The following CATSPER3 variants were observed in gnomAD, a reference collection of about 807,000 sequenced individuals.
CATSPER3 encodes cation channel sperm associated 3.
In CATSPER3, 23 loss-of-function variants were observed where a neutral mutation model predicts 36.6. The ratio of observed to expected loss-of-function variants is 0.63; its 90% CI spans 0.45 to 0.89. The LOEUF is 0.89. Ranked by LOEUF, CATSPER3 falls within the 40% of genes least tolerant of loss-of-function variation. The pLI is 0.00. For synonymous variants in CATSPER3, 172 were observed against 184.1 expected, an observed-to-expected ratio of 0.93 and a Z score of 0.53; for missense variants, 474 against 503.9, an observed-to-expected ratio of 0.94 and a Z score of 0.57.
chr5:134,975,390 A>ACAAACAAG (rs1554068003), intron 2 of CATSPER3: 1 of 151,432 alleles, frequency 6.6e-6, no homozygotes, highest in African/African-American at 2.4e-5. Flanking sequence ...AGACAAACAA[A>ACAAACAAG]CAAACAAAAA....
intron 2 of CATSPER3, among the ~76,000 whole-genome samples, chr5:134,993,927 T>C (rs1034535622): frequency 6.6e-6 from 1 of 152,064 alleles, no homozygotes; most frequent in Non-Finnish European, 1.5e-5. Context: ...GAGTTCGAGA[T>C]CAGCCTGGCC....
chr5:134,998,091 C>T (rs894694317), intron 3 of CATSPER3, among the ~76,000 whole-genome samples: 8 of 152,160 alleles, frequency 5.3e-5, no homozygotes, highest in Non-Finnish European at 4.4e-5. Context: ...CATGACAGGC[C>T]CCGGTGTGTG....
chr5:134,975,907 G>A lies in CATSPER3; in HGVS notation c.252+5815G>A, dbSNP rs1216547675. Among the ~76,000 whole-genome samples, 5 of 152,170 alleles carry A rather than the reference G, an allele frequency of 3.3e-5. No individual in the cohort carries two copies. The South Asian group carries it at 1.0e-3, about 31-fold the overall frequency. On this transcript the variant is annotated intron_variant, in intron 2 of 7. Coordinates refer to ENST00000282611, the MANE Select transcript of CATSPER3 (RefSeq NM_178019.3). ...TCAATGGATGAATGGATTTTAAAAT[G>A]TGCTATATATACACAATAGAATACT...
At chr5:134,983,909 G>A (rs985320036) in intron 2 of CATSPER3, among the ~76,000 whole-genome samples, 14 of 152,170 alleles carry the variant, frequency 9.2e-5, no homozygotes, top group South Asian at 2.1e-4. Flanking sequence ...TATAGTAACC[G>A]TAACAGCATG....
At position 135,008,994 on chromosome 5, in the gene CATSPER3, C is replaced by G. The variant is rs1752142340; in HGVS notation, c.816+13C>G. ...CATGCACACAGAGGTGAGGCCACACCTGTGAGGATCGGAGGTCAGGGCAGG... is the reference window on the plus strand; with the variant it reads ...CATGCACACAGAGGTGAGGCCACACGTGTGAGGATCGGAGGTCAGGGCAGG... On this transcript the variant is annotated intron_variant, in intron 5 of 7. Coordinates refer to ENST00000282611, the MANE Select transcript of CATSPER3 (RefSeq NM_178019.3). The G allele has an allele frequency of 6.2e-7, 1 of 1,614,030 alleles. No homozygotes were observed.
intron 2 of CATSPER3, among the ~76,000 whole-genome samples, chr5:134,981,046 C>T (rs1006153620): frequency 2.6e-5 from 4 of 151,970 alleles, no homozygotes; most frequent in African/African-American, 9.7e-5. Flanking sequence ...CTCTCTTTTT[C>T]TTATTTCTTT....
At chr5:134,999,702 C>G (rs1399201821) in intron 3 of CATSPER3, among the ~76,000 whole-genome samples, 3 of 152,124 alleles carry the variant, frequency 2.0e-5, no homozygotes, top group Admixed American at 1.3e-4. Context: ...TTATTTGGCT[C>G]TCTGTTTGTG....
At position 134,986,201 on chromosome 5, in the gene CATSPER3, A is replaced by G. The variant is rs1009168906; in HGVS notation, c.253-10072A>G. Among the ~76,000 whole-genome samples, 7 of 151,524 alleles carry G rather than the reference A, an allele frequency of 4.6e-5. No individual in the cohort carries two copies. The East Asian group carries it at 1.2e-3, about 25-fold the overall frequency. ...CTCTTGTTGCCCAGGCTGGAGTGCAATGGCACAATCTCAGCTCACTGCAAC... is the reference window on the plus strand; with the variant it reads ...CTCTTGTTGCCCAGGCTGGAGTGCAGTGGCACAATCTCAGCTCACTGCAAC... On this transcript the variant is annotated intron_variant, in intron 2 of 7. Coordinates refer to ENST00000282611, the MANE Select transcript of CATSPER3 (RefSeq NM_178019.3).
intron 2 of CATSPER3, among the ~76,000 whole-genome samples, chr5:134,988,481 T>C (rs1751837093): frequency 6.6e-6 from 1 of 152,262 alleles, no homozygotes; most frequent in Non-Finnish European, 1.5e-5. Context: ...ACTGCTTTTA[T>C]CAACGAAGTT....
At chr5:134,982,407 C>G (rs1449974370) in intron 2 of CATSPER3, among the ~76,000 whole-genome samples, 8 of 152,108 alleles carry the variant, frequency 5.3e-5, no homozygotes, top group Non-Finnish European at 1.2e-4. Context: ...TGTAATCAAA[C>G]TGTCAAAAGC....
rs759365634 is a variant in CATSPER3 at position 135,011,631 on chromosome 5, TG to T, written c.*12del. The T allele has an allele frequency of 6.3e-7, 1 of 1,599,566 alleles. No individual in the cohort carries two copies. Among genetic ancestry groups the T allele is most frequent in the South Asian group, 1.1e-5 (1 of 90,512 alleles). ...AAGGTGGATGAGAAGTAGCTGGGCA[TG>T]GGGCACCCATGTGCCGAGAGCCTTG... is the stretch of plus-strand genomic sequence containing the variant. On this transcript the variant is annotated 3_prime_UTR_variant, in exon 8 of 8. Coordinates refer to ENST00000282611, the MANE Select transcript of CATSPER3 (RefSeq NM_178019.3).
chr5:134,997,610 C>T (rs1228270020), intron 3 of CATSPER3, among the ~76,000 whole-genome samples: 1 of 152,226 alleles, frequency 6.6e-6, no homozygotes, highest in Non-Finnish European at 1.5e-5. Context: ...TCACTGCTTT[C>T]TCTTGGTTTT....
intron 3 of CATSPER3, among the ~76,000 whole-genome samples, chr5:134,999,569 T>C (rs1368068892): frequency 6.6e-6 from 1 of 152,236 alleles, no homozygotes; most frequent in Non-Finnish European, 1.5e-5. Flanking sequence ...TTTGTTTGTA[T>C]CCTCTTTTAT....
chr5:135,003,842 G>A (rs1580914308), intron 3 of CATSPER3, among the ~76,000 whole-genome samples: 3 of 152,322 alleles, frequency 2.0e-5, no homozygotes, highest in South Asian at 4.1e-4. Context: ...TTTTCCAGGC[G>A]CCGTCTGTCA....
chr5:134,968,140 G>A, intron 1 of CATSPER3, 51 bp downstream of exon 1: 5 of 1,279,824 alleles, frequency 3.9e-6, no homozygotes, highest in Non-Finnish European at 5.7e-6. Context: ...TAGTAGAAGT[G>A]TGAGGGCAGG....
chr5:134,996,170 G>C (rs1228932444), intron 2 of CATSPER3, 103 bp from the exon 3 acceptor site: 10 of 1,436,756 alleles, frequency 7.0e-6, no homozygotes, highest in Admixed American at 1.7e-5. Flanking sequence ...CTCTCATGTG[G>C]GTGACTTAGG....
intron 2 of CATSPER3, among the ~76,000 whole-genome samples, chr5:134,995,275 C>G (rs1365728255): frequency 1.3e-5 from 2 of 152,108 alleles, no homozygotes; most frequent in African/African-American, 4.8e-5. Context: ...TAACCAACCT[C>G]TCTTCATCCC....
intron 2 of CATSPER3, among the ~76,000 whole-genome samples, chr5:134,985,978 A>G (rs1751803469): frequency 6.6e-6 from 1 of 151,964 alleles, no homozygotes; most frequent in Non-Finnish European, 1.5e-5. Context: ...CACACACACA[A>G]GAAACACACA....
intron 2 of CATSPER3, among the ~76,000 whole-genome samples, chr5:134,980,433 C>CTTT (rs1172133000): frequency 3.2e-5 from 3 of 93,132 alleles, no homozygotes; most frequent in Non-Finnish European, 6.5e-5. Context: ...TTCTTTCTTT[C>CTTT]TTTTTTTTTT....
Sources: allele counts gnomAD v4.1 joint callset (sites outside exome capture counted in the v4.1 genomes callset), GRCh38; gene constraint gnomAD v4.1.1; transcripts MANE v1.5; gene names NCBI Gene and HGNC (gene_info 2026-07-23, HGNC 2026-07-21).